Variants in PDZRN4 observed in about 807,000 individuals in gnomAD.
PDZRN4 encodes PDZ domain containing ring finger 4.
PDZRN4 carries 70 observed loss-of-function variants against 99.0 expected under a neutral mutation model. The observed-to-expected ratio is 0.71, with a 90% CI of 0.58 to 0.86. The LOEUF is 0.86. Among genes scored for constraint, PDZRN4 ranks in the 40% least tolerant of loss-of-function variants. The pLI is 0.00. For synonymous variants in PDZRN4, 551 were observed against 501.6 expected (o/e 1.10, Z -1.32); for missense variants, 1,474 against 1,331.2 (o/e 1.11, Z -1.67).
rs1333893853 is a variant in PDZRN4, at chr12:41,567,795, T to C, written c.1480T>C (p.Trp494Arg). The change falls in exon 9 of 10, where the codon TGG becomes CGG. Residue 494 changes from tryptophan to arginine, a missense_variant. By Grantham distance (101) the Trp-to-Arg change is moderately radical (BLOSUM62 -3). Coordinates refer to ENST00000402685, the MANE Select transcript of PDZRN4 (RefSeq NM_001164595.2). The part of the protein sequence containing the change: ...ARPEIQLDEG[W>R]LEDERNEFLE... ...TATTCTTTTGCAGCTGGATGAAGGCTGGCTGGAAGATGAAAGGAATGAATT... is the reference window on the plus strand; with the variant it reads ...TATTCTTTTGCAGCTGGATGAAGGCCGGCTGGAAGATGAAAGGAATGAATT... 1 of 1,610,540 alleles carries C rather than the reference T, an allele frequency of 6.2e-7. No homozygotes were observed. Among genetic ancestry groups the C allele is most frequent in the Admixed American group, 1.7e-5 (1 of 59,830 alleles).
intron 3 of PDZRN4, among the ~76,000 whole-genome samples, chr12:41,377,833 A>C (rs909180918): frequency 6.6e-6 from 1 of 152,102 alleles, no homozygotes; most frequent in Non-Finnish European, 1.5e-5. Context: ...GTTGTTTTGC[A>C]TCTTGCAACT....
chr12:41,371,723 T>A (rs1952043525), intron 3 of PDZRN4, among the ~76,000 whole-genome samples: 1 of 152,198 alleles, frequency 6.6e-6, no homozygotes, highest in Non-Finnish European at 1.5e-5. Flanking sequence ...TGCTATGTAC[T>A]TAAAAAAGTG....
chr12:41,359,205 G>T (rs1464767114), intron 3 of PDZRN4, among the ~76,000 whole-genome samples: 1 of 151,894 alleles, frequency 6.6e-6, no homozygotes, highest in African/African-American at 2.4e-5. Flanking sequence ...TAGAAGGAAA[G>T]AGCTGATTAA....
chr12:41,319,854 A>T (rs1282756600), intron 3 of PDZRN4, among the ~76,000 whole-genome samples: 1 of 152,226 alleles, frequency 6.6e-6, no homozygotes. Flanking sequence ...CCCTTGCAGA[A>T]GTATATTGCC....
chr12:41,479,808 AT>A (rs1937645943), intron 3 of PDZRN4, among the ~76,000 whole-genome samples: 1 of 152,204 alleles, frequency 6.6e-6, no homozygotes, highest in Non-Finnish European at 1.5e-5. Context: ...GAAATGTGGG[AT>A]TTAATTAATG....
Position 41,573,111 on chromosome 12 carries a change from G to A in PDZRN4, c.2332G>A (p.Ala778Thr). ...NKKNLRSTMA[A>T]TQSSSGQSSK... Reference sequence around the variant, plus strand: ...GAAAAACCTGAGAAGCACAATGGCAGCCACCCAGTCCTCTTCCGGACAGAG... The same window carrying A: ...GAAAAACCTGAGAAGCACAATGGCAACCACCCAGTCCTCTTCCGGACAGAG... Residue 778 changes from alanine (A) to threonine (T), a missense_variant, in exon 10 of 10, where the codon GCC (alanine) becomes ACC (threonine). Transcript: ENST00000402685. 1 of 1,614,126 alleles carries A rather than the reference G, an allele frequency of 6.2e-7. No homozygotes were observed. The highest frequency in any genetic ancestry group is 8.5e-7 in the Non-Finnish European group (1 of 1,180,014).
intron 5 of PDZRN4, among the ~76,000 whole-genome samples, chr12:41,517,493 G>A (rs1358909816): frequency 6.6e-6 from 1 of 152,010 alleles, no homozygotes; most frequent in Admixed American, 6.6e-5. Context: ...AAAAAGGAGA[G>A]CTGTCTTTTA....
chr12:41,273,022 G>A (rs936083481), intron 3 of PDZRN4, among the ~76,000 whole-genome samples: 3 of 151,970 alleles, frequency 2.0e-5, no homozygotes, highest in African/African-American at 4.8e-5. Context: ...CCTAAAAGGC[G>A]CATTTCCTTG....
chr12:41,341,226 C>A lies in PDZRN4; in HGVS notation c.843+147038C>A, dbSNP rs189789459. ...AATATGCATCTCAACACAATGAAGG[C>A]CATGTATGACAAACCTGTAGCTAAC... is the stretch of plus-strand genomic sequence containing the variant. On this transcript the variant is annotated intron_variant, in intron 3 of 9. Coordinates refer to ENST00000402685, the MANE Select transcript of PDZRN4 (RefSeq NM_001164595.2). 7.7e-4 allele frequency among the ~76,000 whole-genome samples: 117 copies of A among 151,466 alleles called. 1 individual carries two copies. The highest frequency in any genetic ancestry group is 3.4e-3 in the Middle Eastern group (1 of 290).
chr12:41,550,394 A>G (rs285590), intron 5 of PDZRN4, among the ~76,000 whole-genome samples: 77,014 of 151,854 alleles, frequency 0.51, 19,782 homozygotes, highest in African/African-American at 0.59. Flanking sequence ...GATACTCCTC[A>G]ACTACATACC....
intron 3 of PDZRN4, among the ~76,000 whole-genome samples, chr12:41,421,900 T>C (rs1255473403): frequency 1.3e-5 from 2 of 152,206 alleles, no homozygotes; most frequent in Non-Finnish European, 2.9e-5. Context: ...AAAATAGATC[T>C]CTTGACAAGC....
chr12:41,251,893 A>C (rs181370227), intron 3 of PDZRN4, among the ~76,000 whole-genome samples: 193 of 152,320 alleles, frequency 1.3e-3, no homozygotes, highest in Middle Eastern at 3.4e-3. Context: ...ACGCAGGCAG[A>C]CAGCTAGAGC....
chr12:41,384,029 A>G (rs1479553672), intron 3 of PDZRN4, among the ~76,000 whole-genome samples: 1 of 109,852 alleles, frequency 9.1e-6, no homozygotes, highest in Non-Finnish European at 1.7e-5. Context: ...TTGAGACGGA[A>G]TCTCTGTCTG....
intron 3 of PDZRN4, among the ~76,000 whole-genome samples, chr12:41,200,277 T>C (rs371580786): frequency 2.0e-4 from 30 of 152,162 alleles, no homozygotes; most frequent in African/African-American, 6.8e-4. Flanking sequence ...AACTTTTCCA[T>C]TTCTCAGTTT....
At chr12:41,335,057 G>A (rs1951764105) in intron 3 of PDZRN4, among the ~76,000 whole-genome samples, 1 of 151,812 alleles carries the variant, frequency 6.6e-6, no homozygotes, top group Non-Finnish European at 1.5e-5. Context: ...AATAGGTTAG[G>A]TAAAAATGAA....
At chr12:41,538,197 A>G (rs769782798) in intron 5 of PDZRN4, among the ~76,000 whole-genome samples, 13 of 152,182 alleles carry the variant, frequency 8.5e-5, no homozygotes, top group Non-Finnish European at 1.6e-4. Context: ...ACAAAGGTAT[A>G]TTAAAAAAAA....
intron 3 of PDZRN4, chr12:41,412,194 A>C (rs984116362): frequency 6.6e-6 from 1 of 152,206 alleles, no homozygotes; most frequent in African/African-American, 2.4e-5. Context: ...GACCCCCTTG[A>C]ACAATGTGCA....
At chr12:41,391,886 C>T (rs552756277) in intron 3 of PDZRN4, among the ~76,000 whole-genome samples, 101 of 152,170 alleles carry the variant, frequency 6.6e-4, no homozygotes, top group African/African-American at 2.4e-3. Flanking sequence ...GTGATGAAGA[C>T]GAGGAAGCCC....
chr12:41,563,306 C>T (rs1322516533), intron 7 of PDZRN4, among the ~76,000 whole-genome samples: 1 of 152,130 alleles, frequency 6.6e-6, no homozygotes, highest in African/African-American at 2.4e-5. Context: ...TGCCAGGGCG[C>T]AGGTTGGACA....
Sources: allele counts gnomAD v4.1 joint callset (sites outside exome capture counted in the v4.1 genomes callset), GRCh38; gene constraint gnomAD v4.1.1; transcripts MANE v1.5; gene names NCBI Gene and HGNC (gene_info 2026-07-23, HGNC 2026-07-21).